Variants in IFT140 observed in about 807,000 individuals in gnomAD.
The protein encoded by IFT140 is intraflagellar transport protein 140 homolog.
A neutral mutation model predicts 164.6 loss-of-function variants in IFT140; 133 were observed. The observed-to-expected ratio is 0.81, with a 90% CI of 0.70 to 0.93. IFT140 has a LOEUF of 0.93. Among genes scored for constraint, IFT140 ranks in the 40% least tolerant of loss-of-function variants. The probability of loss-of-function intolerance (pLI) is 0.00; values close to 1 mark genes in which losing one functional copy is unlikely to be tolerated. For synonymous variants in IFT140, 860 were observed against 817.3 expected, an observed-to-expected ratio of 1.05 and a Z score of -0.89; for missense variants, 2,045 against 1,972.3, an observed-to-expected ratio of 1.04 and a Z score of -0.70.
At chr16:1,537,347 C>A (rs899354877) in intron 19 of IFT140, among the ~76,000 whole-genome samples, 11 of 152,240 alleles carry the variant, frequency 7.2e-5, no homozygotes, top group Non-Finnish European at 1.6e-4. Context: ...TGAGGCCCTG[C>A]CCCATGGGGC....
At chr16:1,584,549 A>G in intron 10 of IFT140, 129 bp from the exon 11 acceptor site, 1 of 720,156 alleles carries the variant, frequency 1.4e-6, no homozygotes, top group Non-Finnish European at 2.3e-6. Context: ...CCGGACTTAA[A>G]AAATGATCTT....
At chr16:1,518,597 C>T (rs1041974673) in intron 29 of IFT140, among the ~76,000 whole-genome samples, 4 of 151,906 alleles carry the variant, frequency 2.6e-5, no homozygotes, top group Non-Finnish European at 4.4e-5. Flanking sequence ...CAAAGACTTC[C>T]GACCCCTAGT....
chr16:1,606,632 G>T lies in IFT140; in HGVS notation c.147+488C>A, dbSNP rs369869381. On this transcript the variant is annotated intron_variant, in intron 3 of 30. Transcript: ENST00000426508. ...TGAGCCACCATGCCCGGCTAATTTT[G>T]TATTTTTAGTAGAGATGGGGTTTCT... Among the ~76,000 whole-genome samples the T allele has an allele frequency of 7.9e-5, 12 of 152,214 alleles. No homozygotes were observed. The East Asian group carries it at 2.3e-3, about 29-fold the overall frequency.
chr16:1,606,229 C>G (rs147249891), intron 3 of IFT140, among the ~76,000 whole-genome samples: 1 of 152,228 alleles, frequency 6.6e-6, no homozygotes, highest in Non-Finnish European at 1.5e-5. Context: ...CCCTATGGAG[C>G]GTGCAGGAGG....
intron 9 of IFT140, 129 bp from the exon 10 acceptor site, chr16:1,586,404 C>A (rs538753843): frequency 2.2e-6 from 2 of 900,854 alleles, no homozygotes; most frequent in East Asian, 5.3e-5. Context: ...TCCACCTCAT[C>A]CCTGGCTGCA....
At chr16:1,519,848 C>T (rs765101783) in intron 29 of IFT140, 33 bp downstream of exon 29, 1 of 1,512,906 alleles carries the variant, frequency 6.6e-7, no homozygotes, top group Non-Finnish European at 8.8e-7. Context: ...TCACATCTGC[C>T]CTGGCCTGTC....
chr16:1,597,261 G>A (rs2141978014), intron 4 of IFT140, among the ~76,000 whole-genome samples: 1 of 152,266 alleles, frequency 6.6e-6, no homozygotes, highest in East Asian at 1.9e-4. Flanking sequence ...TCTACTGATG[G>A]GACTTCTAAG....
chr16:1,541,858 C>T (rs1209560210), intron 19 of IFT140: 10 of 1,486,998 alleles, frequency 6.7e-6, no homozygotes, highest in Middle Eastern at 1.8e-4. Context: ...AGTGGCGTGA[C>T]GGCTGGCGTG....
At chr16:1,530,701 G>A (rs2030379351) in intron 19 of IFT140, 1 of 151,356 alleles carries the variant, frequency 6.6e-6, no homozygotes, top group African/African-American at 2.5e-5. Context: ...GCCACCCGTG[G>A]GGAGCGGGAG....
chr16:1,603,036 T>C (rs532085189), intron 3 of IFT140, among the ~76,000 whole-genome samples: 2 of 152,232 alleles, frequency 1.3e-5, no homozygotes, highest in Non-Finnish European at 2.9e-5. Flanking sequence ...GGGGCAATGT[T>C]CTCAGTAGAC....
At chr16:1,542,207 C>A in intron 19 of IFT140, 2 of 1,024,496 alleles carry the variant, frequency 2.0e-6, no homozygotes, top group Non-Finnish European at 2.7e-6. Flanking sequence ...GGCCACAGGC[C>A]ACTGAGAAGC....
In IFT140 at chr16:1,592,552, C is replaced by A. The variant is rs2035235540; in HGVS notation, c.406G>T (p.Gly136Cys). Residue 136 changes from glycine to cysteine, a missense_variant, in exon 5 of 31, where the codon GGC becomes TGC. Coordinates refer to ENST00000426508, the MANE Select transcript of IFT140 (RefSeq NM_014714.4). ...AGCAGAGGCGTCCCTTGCACTCGGC[C>A]CCTTTGGTCCAACCTCCACAAGAGC... The part of the protein sequence containing the change: ...VLLLWRLDQR[G>C]RVQGTPLLKH... The A allele has an allele frequency of 9.3e-6, 15 of 1,614,234 alleles. No homozygotes were observed. The highest frequency in any genetic ancestry group is 9.3e-6 in the Non-Finnish European group (11 of 1,180,044).
chr16:1,589,611 C>T lies in IFT140; in HGVS notation c.804G>A (p.Val268=). 6.2e-7 allele frequency: 1 copy of T among 1,613,758 alleles called. No individual in the cohort carries two copies. The highest frequency in any genetic ancestry group is 8.5e-7 in the Non-Finnish European group (1 of 1,179,686). Residue 268 remains valine, a synonymous_variant, in exon 7 of 31, where the codon GTG becomes GTA. Transcript: ENST00000426508. Reference sequence around the variant, plus strand: ...CAAGCCCACTCCCACTCACCTTCATCACTTCTTCTGCTTTGCCCTCAGGAG... The same window carrying T: ...CAAGCCCACTCCCACTCACCTTCATTACTTCTTCTGCTTTGCCCTCAGGAG... ...TVPPEGKAEE[V]MKVKLSGKTG...
Position 1,587,986 on chromosome 16 carries a change from G to A in IFT140, c.849C>T (p.Ile283=), listed in dbSNP as rs563162000. Residue 283 remains isoleucine, a synonymous_variant, in exon 8 of 31, where the codon ATC becomes ATT. Coordinates refer to ENST00000426508, the MANE Select transcript of IFT140 (RefSeq NM_014714.4). ...LSGKTGRRAD[I]ALIEGSLLVM... ...CGAGAAGGCTGCCTTCAATCAAAGC[G>A]ATGTCTGCCCGGCGGCCGGTTTTCC... 62 of 1,613,908 alleles carry A rather than the reference G, an allele frequency of 3.8e-5. No homozygotes were observed. Among genetic ancestry groups the A allele is most frequent in the Middle Eastern group, 3.3e-4 (2 of 6,062 alleles).
chr16:1,558,068 T>G lies in IFT140; in HGVS notation c.2266A>C (p.Arg756=). Residue 756 remains arginine, a synonymous_variant, in exon 19 of 31, where the codon AGG becomes CGG. Transcript: ENST00000426508. ...CCCACAAAGTCTCGCAGGGGTCTCC[T>G]GGACACCATCTGAGGGATGTGGTGG... ...GCHHIPQMVS[R]RPLRDFVGLE... is the part of the protein sequence containing the mutation. 6.2e-7 allele frequency: 1 copy of G among 1,614,144 alleles called. No homozygotes were observed. The highest frequency in any genetic ancestry group is 8.5e-7 in the Non-Finnish European group (1 of 1,180,038).
At chr16:1,591,726 G>A (rs1162521816) in intron 6 of IFT140, among the ~76,000 whole-genome samples, 1 of 152,192 alleles carries the variant, frequency 6.6e-6, no homozygotes, top group Non-Finnish European at 1.5e-5. Context: ...TCCCCATGAA[G>A]GCTGGCCGGG....
chr16:1,600,008 A>G (rs1224153264), intron 4 of IFT140, among the ~76,000 whole-genome samples: 3 of 145,720 alleles, frequency 2.1e-5, no homozygotes, highest in African/African-American at 7.8e-5. Flanking sequence ...TGTGGAATAG[A>G]AAGGCGGGAA....
intron 4 of IFT140, among the ~76,000 whole-genome samples, chr16:1,597,063 C>A (rs150515269): frequency 3.3e-5 from 5 of 152,214 alleles, no homozygotes; most frequent in African/African-American, 1.2e-4. Context: ...GGGTGCATCA[C>A]GGCATCAGAG....
chr16:1,566,114 C>G, intron 16 of IFT140, 47 bp downstream of exon 16: 3 of 1,598,290 alleles, frequency 1.9e-6, no homozygotes. Flanking sequence ...CGAGAAGTAA[C>G]TGAACATCAT....
Sources: gnomAD v4.1 joint callset for allele counts (sites outside exome capture counted in the v4.1 genomes callset) on GRCh38, gnomAD v4.1.1 for gene constraint, MANE v1.5 for transcripts, NCBI Gene and HGNC (gene_info 2026-07-23, HGNC 2026-07-21) for gene names.